MCPH1: variants seen among roughly 807,000 people sequenced by gnomAD.
The protein encoded by MCPH1 is microcephalin.
A neutral mutation model predicts 84.5 loss-of-function variants in MCPH1; 104 were observed. That is an observed-to-expected ratio of 1.23 (90% confidence interval 1.05 to 1.45). The LOEUF (loss-of-function observed/expected upper bound fraction) is 1.45, where lower values mean the gene tolerates loss of function less well. MCPH1 is among the 40% of genes most tolerant of loss of function. MCPH1 has a pLI of 0.00. For missense variants in MCPH1, 1,498 were observed against 1,005.7 expected (o/e 1.49, Z -6.62); for synonymous variants, 514 against 366.8 (o/e 1.40, Z -4.58).
chr8:6,499,959 A>G (rs1336731233), intron 12 of MCPH1, 30 bp downstream of exon 12: 2 of 1,582,472 alleles, frequency 1.3e-6, no homozygotes, highest in Non-Finnish European at 1.7e-6. Context: ...ACGATGGTAA[A>G]TGCAGTTTGC....
intron 12 of MCPH1, chr8:6,616,396 A>G (rs1830795015): frequency 1.3e-5 from 2 of 152,364 alleles, no homozygotes; most frequent in South Asian, 4.1e-4. Context: ...GCTAGAAGCC[A>G]TGGGGAAATT....
intron 13 of MCPH1, chr8:6,622,178 A>C: frequency 1.5e-5 from 3 of 195,664 alleles, no homozygotes; most frequent in African/African-American, 2.3e-5. Context: ...ACGTCAAACG[A>C]CTCCATCTTT....
intron 11 of MCPH1, 99 bp downstream of exon 11, chr8:6,480,975 C>A: frequency 7.4e-7 from 1 of 1,351,470 alleles, no homozygotes; most frequent in Non-Finnish European, 1.0e-6. Flanking sequence ...GGCGTGCACC[C>A]TTGTGGATCT....
chr8:6,411,432 C>T (rs1388159779), intron 2 of MCPH1, among the ~76,000 whole-genome samples: 3 of 152,152 alleles, frequency 2.0e-5, no homozygotes, highest in African/African-American at 4.8e-5. Context: ...TAATTTTCAG[C>T]CGTAAAGTGC....
chr8:6,618,070 C>G (rs1831031233), intron 12 of MCPH1, among the ~76,000 whole-genome samples: 1 of 152,154 alleles, frequency 6.6e-6, no homozygotes, highest in Non-Finnish European at 1.5e-5. Context: ...CTTTGCCCAG[C>G]TGAAGTTAGA....
chr8:6,454,003 C>A (rs549566699), intron 8 of MCPH1, among the ~76,000 whole-genome samples: 1 of 152,296 alleles, frequency 6.6e-6, no homozygotes, highest in Admixed American at 6.5e-5. Context: ...TTTTATTCTA[C>A]ATCCTTTTTC....
intron 12 of MCPH1, among the ~76,000 whole-genome samples, chr8:6,559,230 AACACAC>A (rs59299448): frequency 0.1 from 15,284 of 146,768 alleles, 2,287 homozygotes; most frequent in African/African-American, 0.34. Context: ...CACACACGAC[AACACAC>A]ACACACACAC....
chr8:6,616,684 G>T (rs904888239), intron 12 of MCPH1: 6 of 152,378 alleles, frequency 3.9e-5, no homozygotes, highest in Admixed American at 1.3e-4. Flanking sequence ...GTATACATCA[G>T]TGTATATGCA....
chr8:6,463,369 C>G (rs1314960145), intron 9 of MCPH1, among the ~76,000 whole-genome samples: 1 of 152,182 alleles, frequency 6.6e-6, no homozygotes, highest in African/African-American at 2.4e-5. Flanking sequence ...AGGGTACTCA[C>G]AGCTGTCATT....
chr8:6,560,743 CGTT>C (rs1274814990), intron 12 of MCPH1, among the ~76,000 whole-genome samples: 2 of 152,158 alleles, frequency 1.3e-5, no homozygotes, highest in Admixed American at 6.5e-5. Context: ...ACATAGAACT[CGTT>C]GTCTTTTTCT....
intron 3 of MCPH1, among the ~76,000 whole-genome samples, chr8:6,420,622 T>C (rs1035558128): frequency 6.6e-6 from 1 of 152,200 alleles, no homozygotes; most frequent in Non-Finnish European, 1.5e-5. Flanking sequence ...AAATGGCTTA[T>C]TGATTTTTAT....
chr8:6,625,620 T>A (rs536614751), intron 13 of MCPH1: 3 of 985,218 alleles, frequency 3.0e-6, no homozygotes, highest in Non-Finnish European at 3.6e-6. Context: ...CTTTGTAAGG[T>A]AGGGTCCCTG....
At chr8:6,503,597 T>C (rs943651135) in intron 12 of MCPH1, among the ~76,000 whole-genome samples, 7 of 152,178 alleles carry the variant, frequency 4.6e-5, no homozygotes, top group Admixed American at 6.5e-5. Context: ...TGAGGCACAG[T>C]TGGAAAACTC....
In MCPH1 at chr8:6,630,781, TAAAAAAAAAAAAC is replaced by T. The variant is rs1312570998; in HGVS notation, c.2452+9106_2452+9118del. ...GGGCAACTAGAGCAAAACTCTGTCCTAAAAAAAAAAAACAAAAAAAAAAAACAATTATATATCA... is the reference window on the plus strand; with the variant it reads ...GGGCAACTAGAGCAAAACTCTGTCCTAAAAAAAAAAAACAATTATATATCA... On this transcript the variant is annotated intron_variant, in intron 13 of 13. Transcript: ENST00000344683. Among the ~76,000 whole-genome samples, 14 of 58,324 alleles carry T rather than the reference TAAAAAAAAAAAAC, an allele frequency of 2.4e-4. No homozygotes were observed. In the South Asian group the frequency reaches 3.6e-3, roughly 15 times the overall value. The allele number at this position is 58,324 out of a possible 152,430, so 38.3% of individuals were successfully genotyped here.
intron 11 of MCPH1, among the ~76,000 whole-genome samples, chr8:6,486,675 A>G (rs982188732): frequency 7.5e-4 from 115 of 152,318 alleles, no homozygotes; most frequent in Non-Finnish European, 2.2e-4. Context: ...AGAATAATTT[A>G]TGTTTTTCCT....
chr8:6,411,567 A>G (rs1237021234), intron 2 of MCPH1, among the ~76,000 whole-genome samples: 1 of 152,202 alleles, frequency 6.6e-6, no homozygotes, highest in Non-Finnish European at 1.5e-5. Flanking sequence ...TAAGATCGAC[A>G]GTGAGAACAA....
chr8:6,436,033 G>GT lies in MCPH1; in HGVS notation c.322-13dup. ...GTTGCAGTACAGCATTAATTTTTGT[G>GT]TTCTTTTTGCACAGCGTAAATGTAT... On this transcript the variant is annotated splice_polypyrimidine_tract_variant and intron_variant, in intron 4 of 13. Transcript: ENST00000344683. The GT allele has an allele frequency of 6.2e-7, 1 of 1,612,388 alleles. No individual in the cohort carries two copies. Among genetic ancestry groups the GT allele is most frequent in the Non-Finnish European group, 8.5e-7 (1 of 1,179,140 alleles).
At chr8:6,619,673 C>T (rs1439761679) in intron 12 of MCPH1, among the ~76,000 whole-genome samples, 1 of 152,064 alleles carries the variant, frequency 6.6e-6, no homozygotes, top group African/African-American at 2.4e-5. Flanking sequence ...CAAGCTCCAC[C>T]TCCCGGGTTC....
intron 12 of MCPH1, among the ~76,000 whole-genome samples, chr8:6,594,326 C>T (rs1828754258): frequency 1.3e-5 from 2 of 152,318 alleles, no homozygotes; most frequent in African/African-American, 4.8e-5. Context: ...ACCCAGGGCA[C>T]CTCTGGACCC....
Sources: gnomAD v4.1 joint callset for allele counts (sites outside exome capture counted in the v4.1 genomes callset) on GRCh38, gnomAD v4.1.1 for gene constraint, MANE v1.5 for transcripts, NCBI Gene and HGNC (gene_info 2026-07-23, HGNC 2026-07-21) for gene names.